The following HPGDS variants were observed in gnomAD, a reference collection of about 807,000 sequenced individuals.
The protein encoded by HPGDS is hematopoietic prostaglandin D synthase.
In HPGDS, 26 loss-of-function variants were observed where a neutral mutation model predicts 23.1. The ratio of observed to expected loss-of-function variants is 1.13; its 90% CI spans 0.83 to 1.56. HPGDS has a LOEUF of 1.56. Ranked by LOEUF, HPGDS falls within the 40% of genes most tolerant of loss-of-function variation. The probability of loss-of-function intolerance (pLI) is 0.00; values close to 1 mark genes in which losing one functional copy is unlikely to be tolerated. For missense variants in HPGDS, 268 were observed against 236.4 expected (o/e 1.13, Z -0.88); for synonymous variants, 95 against 77.9 (o/e 1.22, Z -1.16).
intron 2 of HPGDS, among the ~76,000 whole-genome samples, chr4:94,322,724 C>T (rs968086274): frequency 3.9e-5 from 6 of 151,940 alleles, no homozygotes; most frequent in African/African-American, 9.7e-5. Context: ...CTCCTGGGTT[C>T]GCTGATTTTT....
chr4:94,308,207 C>G (rs1327886484), intron 4 of HPGDS, among the ~76,000 whole-genome samples: 1 of 152,080 alleles, frequency 6.6e-6, no homozygotes, highest in Non-Finnish European at 1.5e-5. Flanking sequence ...GTGTTAAGTA[C>G]TTACATGTGG....
intron 1 of HPGDS, among the ~76,000 whole-genome samples, chr4:94,340,974 T>C (rs1721159044): frequency 6.6e-6 from 1 of 150,722 alleles, no homozygotes; most frequent in Admixed American, 6.6e-5. Context: ...GCCTCCCCAG[T>C]AGCTGGGATT....
chr4:94,334,450 G>A, intron 2 of HPGDS, 47 bp downstream of exon 2: 3 of 1,458,438 alleles, frequency 2.1e-6, no homozygotes, highest in Non-Finnish European at 2.7e-6. Context: ...AAAAACAAAA[G>A]GTTCTGAAAG....
At chr4:94,318,031 T>C in intron 2 of HPGDS, 66 bp from the exon 3 acceptor site, 1 of 863,292 alleles carries the variant, frequency 1.2e-6, no homozygotes, top group Admixed American at 2.0e-5. Flanking sequence ...CTTCCATTTT[T>C]ACTGATCATC....
At chr4:94,325,595 T>A (rs1222115614) in intron 2 of HPGDS, among the ~76,000 whole-genome samples, 4 of 152,204 alleles carry the variant, frequency 2.6e-5, no homozygotes, top group Non-Finnish European at 5.9e-5. Context: ...GAGCCAGGCG[T>A]GGGATATAAT....
chr4:94,324,432 TG>T (rs1756586218), intron 2 of HPGDS, among the ~76,000 whole-genome samples: 2 of 152,074 alleles, frequency 1.3e-5, no homozygotes, highest in South Asian at 4.2e-4. Context: ...CATAGTCGCA[TG>T]TTTCTTGGAG....
chr4:94,310,299 A>AT (rs1367205856), intron 3 of HPGDS, among the ~76,000 whole-genome samples: 3 of 152,152 alleles, frequency 2.0e-5, no homozygotes, highest in Non-Finnish European at 4.4e-5. Context: ...TCTTGAATGA[A>AT]TTTTTGTATA....
chr4:94,336,983 GCAGCA>G (rs1721034249), intron 1 of HPGDS, among the ~76,000 whole-genome samples: 1 of 151,756 alleles, frequency 6.6e-6, no homozygotes, highest in South Asian at 2.1e-4. Context: ...TTGTTTTGTT[GCAGCA>G]CAGTCTCACT....
chr4:94,324,570 C>T (rs921497214), intron 2 of HPGDS, among the ~76,000 whole-genome samples: 17 of 152,248 alleles, frequency 1.1e-4, no homozygotes, highest in South Asian at 1.0e-3. Context: ...AGCTTGTGCA[C>T]GCATCATGAT....
intron 1 of HPGDS, among the ~76,000 whole-genome samples, chr4:94,336,022 A>T (rs1721003822): frequency 1.3e-5 from 2 of 152,066 alleles, no homozygotes; most frequent in South Asian, 4.1e-4. Context: ...CCTGGCCAAC[A>T]TGGTGAAACC....
Position 94,308,847 on chromosome 4 carries a change from A to G in HPGDS, c.227-104T>C. 6.9e-6 allele frequency: 4 copies of G among 580,362 alleles called. No individual in the cohort carries two copies. The South Asian group carries it at 1.1e-4, about 16-fold the overall frequency. 36.0% of individuals were successfully genotyped at this position (580,362 alleles called of 1,614,324 possible). A position where few individuals can be genotyped will look rare whatever the true frequency, so the allele number is the denominator to read the frequency against. On this transcript the variant is annotated intron_variant, in intron 3 of 5. Transcript: ENST00000295256. ...TATGGTTGAAAATTCAAAGAGTGTA[A>G]AACAATATCCAGTGAAGACTAGCTT...
chr4:94,314,089 C>T (rs1756340364), intron 3 of HPGDS, among the ~76,000 whole-genome samples: 1 of 152,176 alleles, frequency 6.6e-6, no homozygotes, highest in Non-Finnish European at 1.5e-5. Context: ...TTCAAACTTC[C>T]TCCTTTAGCT....
intron 1 of HPGDS, among the ~76,000 whole-genome samples, chr4:94,341,984 C>T (rs1721182787): frequency 6.6e-6 from 1 of 152,168 alleles, no homozygotes; most frequent in Admixed American, 6.5e-5. Flanking sequence ...TTCACAGTGT[C>T]CCTGGGCATT....
At position 94,309,792 on chromosome 4, in the gene HPGDS, T is replaced by C. The variant is rs1459240713; in HGVS notation, c.227-1049A>G. 6.6e-5 allele frequency among the ~76,000 whole-genome samples: 10 copies of C among 151,884 alleles called. 1 individual carries two copies. In the East Asian group the frequency reaches 1.9e-3, roughly 29 times the overall value. The stretch of plus-strand genomic sequence containing the variant: ...TTCTCCACATCCTCTCCAGCACCTG[T>C]TGTTTCCTGACTTTTTAATGATCGC... On this transcript the variant is annotated intron_variant, in intron 3 of 5. Transcript: ENST00000295256.
chr4:94,312,333 G>A (rs376432060), intron 3 of HPGDS, among the ~76,000 whole-genome samples: 16 of 152,158 alleles, frequency 1.1e-4, no homozygotes, highest in African/African-American at 9.7e-5. Context: ...ATTCTGGTAC[G>A]TTGTGTCTTT....
chr4:94,317,320 C>T (rs74889900), intron 3 of HPGDS, among the ~76,000 whole-genome samples: 8 of 152,220 alleles, frequency 5.3e-5, no homozygotes, highest in African/African-American at 1.7e-4. Flanking sequence ...AAAACAAGAA[C>T]AGTTTCTATT....
intron 3 of HPGDS, 33 bp downstream of exon 3, chr4:94,317,840 T>C: frequency 8.1e-7 from 1 of 1,241,638 alleles, no homozygotes; most frequent in Admixed American, 1.7e-5. Flanking sequence ...TTGTTTCAGT[T>C]ATCAAAAATC....
In HPGDS at chr4:94,340,311, C is replaced by CTTTTTCTTTTCTTTTTTTTT. The variant is rs1560598005; in HGVS notation, c.-10+2483_-10+2484insAAAAAAAAAGAAAAGAAAAA. The stretch of plus-strand genomic sequence containing the variant: ...TTTCTTTCTTTCTTTCTTTCTTTCT[C>CTTTTTCTTTTCTTTTTTTTT]TTTTTTTTTTTTTTTTTTTTTTTTT... On this transcript the variant is annotated intron_variant, in intron 1 of 5. Coordinates refer to ENST00000295256, the MANE Select transcript of HPGDS (RefSeq NM_014485.3). 5.9e-4 allele frequency among the ~76,000 whole-genome samples: 14 copies of CTTTTTCTTTTCTTTTTTTTT among 23,676 alleles called. 1 individual carries two copies. Among genetic ancestry groups the CTTTTTCTTTTCTTTTTTTTT allele is most frequent in the Admixed American group, 1.2e-3 (2 of 1,634 alleles). 15.5% of individuals were successfully genotyped at this position (23,676 alleles called of 152,430 possible).
At chr4:94,324,821 T>C (rs1756596537) in intron 2 of HPGDS, among the ~76,000 whole-genome samples, 1 of 152,232 alleles carries the variant, frequency 6.6e-6, no homozygotes. Flanking sequence ...GCTGCGATCC[T>C]TTGGACAAGA....
Sources: gnomAD v4.1 joint callset for allele counts (sites outside exome capture counted in the v4.1 genomes callset) on GRCh38, gnomAD v4.1.1 for gene constraint, MANE v1.5 for transcripts, NCBI Gene and HGNC (gene_info 2026-07-23, HGNC 2026-07-21) for gene names.